The following ZDHHC23 variants were observed in gnomAD, a reference collection of about 807,000 sequenced individuals.
ZDHHC23 encodes the protein zDHHC palmitoyltransferase 23, also known as palmitoyltransferase ZDHHC23.
Under a neutral mutation model 40.2 loss-of-function variants are expected in ZDHHC23, and 41 were observed. The observed-to-expected ratio is 1.02, with a 90% CI of 0.79 to 1.32. The LOEUF is 1.32. Ranked by LOEUF, ZDHHC23 falls within the 40% of genes most tolerant of loss-of-function variation. The probability of loss-of-function intolerance (pLI) is 0.00; values close to 1 mark genes in which losing one functional copy is unlikely to be tolerated. For synonymous variants in ZDHHC23, 204 were observed against 210.2 expected, an observed-to-expected ratio of 0.97 and a Z score of 0.26; for missense variants, 471 against 541.5, an observed-to-expected ratio of 0.87 and a Z score of 1.29.
At position 113,960,579 on chromosome 3, in the gene ZDHHC23, A is replaced by C; in HGVS notation, c.*1949A>C. 6.6e-7 allele frequency: 1 copy of C among 1,518,916 alleles called. No individual in the cohort carries two copies. The allele number at this position is 1,518,916 out of a possible 1,614,324, so 94.1% of individuals were successfully genotyped here. Reference sequence around the variant, plus strand: ...ATACAAATTGATAGAAACATTAGTCAGTAATTTTAGCTTCTTGCCAAATTG... The same window carrying C: ...ATACAAATTGATAGAAACATTAGTCCGTAATTTTAGCTTCTTGCCAAATTG... On this transcript the variant is annotated 3_prime_UTR_variant, in exon 5 of 5. Transcript: ENST00000638807.
chr3:113,978,324 A>G, the ZDHHC23 span: 7 of 1,613,936 alleles, frequency 4.3e-6, no homozygotes, highest in South Asian at 4.4e-5. Flanking sequence ...CTGCAGATCA[A>G]TCACGTACTG....
chr3:113,960,834 T>C lies in ZDHHC23; in HGVS notation c.*2204T>C. ...TTTTAAGTTCCTTGAGAACCCATGATGGACAGTTGACAGAATGCTTAAACC... is the reference window on the plus strand; with the variant it reads ...TTTTAAGTTCCTTGAGAACCCATGACGGACAGTTGACAGAATGCTTAAACC... On this transcript the variant is annotated 3_prime_UTR_variant, in exon 5 of 5. Transcript: ENST00000638807. 3.4e-6 allele frequency: 5 copies of C among 1,482,034 alleles called. No homozygotes were observed. The highest frequency in any genetic ancestry group is 4.5e-6 in the Non-Finnish European group (5 of 1,118,740). 91.8% of individuals were successfully genotyped at this position (1,482,034 alleles called of 1,614,324 possible). A position where few individuals can be genotyped will look rare whatever the true frequency, so the allele number is the denominator to read the frequency against.
At chr3:113,974,685 A>AGTCT in the ZDHHC23 span, among the ~76,000 whole-genome samples, 3 of 152,082 alleles carry the variant, frequency 2.0e-5, no homozygotes, top group Admixed American at 2.0e-4. Flanking sequence ...TATTTATTTC[A>AGTCT]GTCTTCTGTG....
chr3:113,958,098 T>G (rs1171819367), intron 4 of ZDHHC23, among the ~76,000 whole-genome samples: 1 of 152,142 alleles, frequency 6.6e-6, no homozygotes, highest in Non-Finnish European at 1.5e-5. Flanking sequence ...GTGCTGGGTG[T>G]GTGGAGGGTA....
At chr3:113,952,206 C>T (rs1299070161) in intron 2 of ZDHHC23, among the ~76,000 whole-genome samples, 2 of 151,196 alleles carry the variant, frequency 1.3e-5, no homozygotes, top group Non-Finnish European at 3.0e-5. Flanking sequence ...GCACCCTGAA[C>T]ACTTTGCTTA....
At chr3:113,967,117 AAAAAAG>A (rs1400729683), downstream of ZDHHC23, among the ~76,000 whole-genome samples, 1 of 151,464 alleles carries the variant, frequency 6.6e-6, no homozygotes, top group African/African-American at 2.4e-5. Context: ...GAAAAAAAGA[AAAAAAG>A]AAAAAGGCTC....
rs965061880 is a variant in ZDHHC23, at chr3:113,959,345, A to T, written c.*715A>T. ...AGATGGATTGATGCTAAGTTGTCTC[A>T]TCTTGAAAAGACAGTTGACAACAGT... On this transcript the variant is annotated 3_prime_UTR_variant, in exon 5 of 5. Transcript: ENST00000638807. The T allele has an allele frequency of 2.7e-6, 3 of 1,109,572 alleles. No individual in the cohort carries two copies. The highest frequency in any genetic ancestry group is 3.4e-6 in the Non-Finnish European group (3 of 889,916). The allele number at this position is 1,109,572 out of a possible 1,614,324, so 68.7% of individuals were successfully genotyped here.
Position 113,958,554 on chromosome 3 carries a change from G to A in ZDHHC23, c.1232G>A (p.Gly411Asp), listed in dbSNP as rs1398628117. ...GTGGACACAGGCCAGTACAATAGGGGCTTCCTGCGGAACTGGCACCAGTTC... is the reference window on the plus strand; with the variant it reads ...GTGGACACAGGCCAGTACAATAGGGACTTCCTGCGGAACTGGCACCAGTTC... ...LIVDTGQYNR[G>D]FLRNWHQFST... The change falls in exon 5 of 5, where the codon GGC becomes GAC. Residue 411 changes from glycine to aspartate, a missense_variant. This residue lies in a region of ZDHHC23 where 346 missense variants were observed against 399.8 expected (regional missense o/e 0.87). Transcript: ENST00000638807. 3 of 1,611,712 alleles carry A rather than the reference G, an allele frequency of 1.9e-6. No homozygotes were observed. The highest frequency in any genetic ancestry group is 1.1e-5 in the South Asian group (1 of 91,082).
At chr3:113,964,953 C>T (rs1939962686), downstream of ZDHHC23, 1 of 391,146 alleles carries the variant, frequency 2.6e-6, no homozygotes, top group Non-Finnish European at 4.5e-6. Flanking sequence ...GATGATCCCA[C>T]TGTGATAAAT....
rs542142800 is a variant in ZDHHC23 at position 113,961,798 on chromosome 3, G to C, written c.*3168G>C. ...TCTGTACTAGAATCTTCCACTGCCA[G>C]AAAACACAGTGCCAGTAAGGTTCTA... is the stretch of plus-strand genomic sequence containing the variant. On this transcript the variant is annotated 3_prime_UTR_variant, in exon 5 of 5. Coordinates refer to ENST00000638807, the MANE Select transcript of ZDHHC23 (RefSeq NM_001320466.2). The C allele has an allele frequency of 6.5e-6, 1 of 152,720 alleles. No homozygotes were observed. Among genetic ancestry groups the C allele is most frequent in the East Asian group, 1.9e-4 (1 of 5,178 alleles). The allele number at this position is 152,720 out of a possible 1,614,324, so 9.5% of individuals were successfully genotyped here.
At chr3:113,965,274 G>A (rs764588009), downstream of ZDHHC23, 5 of 1,612,234 alleles carry the variant, frequency 3.1e-6, no homozygotes, top group African/African-American at 6.7e-5. Flanking sequence ...CTACGAAGTT[G>A]CTGTCGCCTT....
intron 2 of ZDHHC23, among the ~76,000 whole-genome samples, chr3:113,953,114 T>C (rs1040741019): frequency 6.6e-6 from 1 of 152,252 alleles, no homozygotes; most frequent in Non-Finnish European, 1.5e-5. Flanking sequence ...GTGGGACTAG[T>C]CTACTCCCTG....
At chr3:113,955,267 A>G (rs1249134847) in intron 3 of ZDHHC23, among the ~76,000 whole-genome samples, 1 of 152,180 alleles carries the variant, frequency 6.6e-6, no homozygotes, top group Non-Finnish European at 1.5e-5. Context: ...TGCATGGCTC[A>G]AGTGCAGGGC....
the ZDHHC23 span, among the ~76,000 whole-genome samples, chr3:113,977,774 A>G: frequency 2.6e-5 from 4 of 152,336 alleles, no homozygotes; most frequent in Admixed American, 2.6e-4. Flanking sequence ...TCATTCGTTA[A>G]GCTGTATTTG....
At chr3:113,952,021 C>T (rs1007444878) in intron 2 of ZDHHC23, among the ~76,000 whole-genome samples, 19 of 152,078 alleles carry the variant, frequency 1.2e-4, no homozygotes, top group African/African-American at 4.6e-4. Flanking sequence ...CCTGTAATCC[C>T]AGCTACTCAG....
the ZDHHC23 span, among the ~76,000 whole-genome samples, chr3:113,977,471 AACTT>A: frequency 1.2e-4 from 18 of 152,178 alleles, no homozygotes; most frequent in Non-Finnish European, 2.5e-4. Context: ...ACAAATATAA[AACTT>A]ACTTATACAG....
rs1939629611 is a variant in ZDHHC23, at chr3:113,960,800, A to G, written c.*2170A>G. 1 of 1,497,866 alleles carries G rather than the reference A, an allele frequency of 6.7e-7. No homozygotes were observed. Among genetic ancestry groups the G allele is most frequent in the East Asian group, 2.6e-5 (1 of 39,176 alleles). The allele number at this position is 1,497,866 out of a possible 1,614,324, so 92.8% of individuals were successfully genotyped here. On this transcript the variant is annotated 3_prime_UTR_variant, in exon 5 of 5. Coordinates refer to ENST00000638807, the MANE Select transcript of ZDHHC23 (RefSeq NM_001320466.2). ...GTATTATTCAGGTTTATTGGCACGAAGATACTTGTTTTAAGTTCCTTGAGA... is the reference window on the plus strand; with the variant it reads ...GTATTATTCAGGTTTATTGGCACGAGGATACTTGTTTTAAGTTCCTTGAGA...
At chr3:113,966,549 C>T (rs959955108), downstream of ZDHHC23, among the ~76,000 whole-genome samples, 1 of 152,032 alleles carries the variant, frequency 6.6e-6, no homozygotes, top group Non-Finnish European at 1.5e-5. Flanking sequence ...AAAGGCTTTC[C>T]TAGAGGAGAG....
intron 3 of ZDHHC23, among the ~76,000 whole-genome samples, chr3:113,955,538 T>C (rs1220800693): frequency 6.6e-6 from 1 of 152,188 alleles, no homozygotes; most frequent in East Asian, 1.9e-4. Flanking sequence ...AGAACTGTTT[T>C]TACCTGCCAA....
Sources: gnomAD v4.1 joint callset for allele counts (sites outside exome capture counted in the v4.1 genomes callset) on GRCh38, gnomAD v4.1.1 for gene constraint, gnomAD v4.1.1 regional missense constraint, MANE v1.5 for transcripts, NCBI Gene and HGNC (gene_info 2026-07-23, HGNC 2026-07-21) for gene names.